The following PTPRD variants were observed in gnomAD, a reference collection of about 807,000 sequenced individuals.
The protein encoded by PTPRD is receptor-type tyrosine-protein phosphatase delta.
PTPRD carries 34 observed loss-of-function variants against 214.5 expected under a neutral mutation model. The ratio of observed to expected loss-of-function variants is 0.16; its 90% CI spans 0.12 to 0.21. PTPRD has a LOEUF of 0.21. PTPRD is among the 10% of genes least tolerant of loss of function. The pLI, the probability that PTPRD is intolerant of heterozygous loss-of-function variation, is 1.00. For missense variants in PTPRD, 2,545 were observed against 2,398.7 expected (o/e 1.06, Z -1.27); for synonymous variants, 1,128 against 845.7 (o/e 1.33, Z -5.79).
chr9:10,276,971 T>A (rs1376922239), intron 3 of PTPRD, among the ~76,000 whole-genome samples: 4 of 152,076 alleles, frequency 2.6e-5, no homozygotes. Flanking sequence ...TCCAATTATT[T>A]TGCCCTGGAT....
intron 14 of PTPRD, among the ~76,000 whole-genome samples, chr9:8,610,998 A>G (rs1317322079): frequency 1.3e-5 from 2 of 152,202 alleles, no homozygotes; most frequent in Non-Finnish European, 2.9e-5. Context: ...TTTCATGTTG[A>G]AATATTATAT....
chr9:10,472,784 T>C (rs549470716), intron 2 of PTPRD, among the ~76,000 whole-genome samples: 1 of 152,102 alleles, frequency 6.6e-6, no homozygotes, highest in East Asian at 1.9e-4. Context: ...TAAACATATA[T>C]CTGATATAGC....
chr9:9,547,199 G>A (rs1167648456), intron 8 of PTPRD, among the ~76,000 whole-genome samples: 1 of 151,990 alleles, frequency 6.6e-6, no homozygotes, highest in Admixed American at 6.6e-5. Flanking sequence ...TATCGATTTT[G>A]TAGCCAATAA....
intron 14 of PTPRD, among the ~76,000 whole-genome samples, chr9:8,534,943 T>C (rs1458898140): frequency 1.3e-5 from 2 of 151,940 alleles, no homozygotes; most frequent in African/African-American, 2.4e-5. Flanking sequence ...GATGGCATCA[T>C]TCATTCTACA....
chr9:9,437,743 C>CT, intron 8 of PTPRD, among the ~76,000 whole-genome samples: 3 of 152,082 alleles, frequency 2.0e-5, no homozygotes, highest in Admixed American at 2.0e-4. Context: ...TGATTTGACA[C>CT]GGGACTGAGA....
intron 5 of PTPRD, among the ~76,000 whole-genome samples, chr9:9,775,289 A>C (rs2098788463): frequency 6.6e-6 from 1 of 152,190 alleles, no homozygotes; most frequent in Non-Finnish European, 1.5e-5. Context: ...ACTTGAGTTA[A>C]AATATTTCTC....
intron 11 of PTPRD, among the ~76,000 whole-genome samples, chr9:8,980,968 C>T (rs746549073): frequency 6.6e-6 from 1 of 152,058 alleles, no homozygotes; most frequent in Non-Finnish European, 1.5e-5. Flanking sequence ...TTGACATCAG[C>T]CTCAGCATTA....
chr9:10,567,924 TTTA>T lies in PTPRD; in HGVS notation c.-600+44471_-600+44473del, dbSNP rs2066144823. Among the ~76,000 whole-genome samples, 13 of 151,318 alleles carry T rather than the reference TTTA, an allele frequency of 8.6e-5. No homozygotes were observed. The South Asian group carries it at 2.5e-3, about 29-fold the overall frequency. ...TTAATAATATATCATTGTTTTATTT[TTTA>T]TTTTTTTATTTTTTATTTTATTTAT... On this transcript the variant is annotated intron_variant, in intron 2 of 45. Coordinates refer to ENST00000381196, the MANE Select transcript of PTPRD (RefSeq NM_002839.4).
At chr9:9,192,533 C>G (rs1017204977) in intron 9 of PTPRD, among the ~76,000 whole-genome samples, 1 of 152,058 alleles carries the variant, frequency 6.6e-6, no homozygotes, top group Non-Finnish European at 1.5e-5. Flanking sequence ...GTGGAAGCAA[C>G]AATTCATAAT....
intron 11 of PTPRD, among the ~76,000 whole-genome samples, chr9:8,739,020 A>G (rs2091218388): frequency 6.6e-6 from 1 of 152,210 alleles, no homozygotes; most frequent in South Asian, 2.1e-4. Context: ...GGCCTCTGTA[A>G]ATCAGCTGAA....
intron 5 of PTPRD, among the ~76,000 whole-genome samples, chr9:9,870,408 A>G (rs2065120172): frequency 6.6e-6 from 1 of 151,996 alleles, no homozygotes. Context: ...CAACTTTGTT[A>G]CTTGCATATA....
intron 7 of PTPRD, among the ~76,000 whole-genome samples, chr9:9,731,607 CCCT>C (rs900481383): frequency 6.6e-6 from 1 of 151,960 alleles, no homozygotes; most frequent in Non-Finnish European, 1.5e-5. Context: ...TATCCTTCCC[CCCT>C]CCCTACACCC....
chr9:9,430,322 A>T (rs986338712), intron 8 of PTPRD, among the ~76,000 whole-genome samples: 2 of 151,816 alleles, frequency 1.3e-5, no homozygotes, highest in African/African-American at 4.8e-5. Context: ...AGAGAATAAA[A>T]TACCTAGGAA....
intron 10 of PTPRD, among the ~76,000 whole-genome samples, chr9:9,078,371 A>T (rs1452630871): frequency 6.6e-6 from 1 of 152,086 alleles, no homozygotes; most frequent in Non-Finnish European, 1.5e-5. Flanking sequence ...AAATTACAAC[A>T]TTCCTTTCCA....
intron 7 of PTPRD, among the ~76,000 whole-genome samples, chr9:9,595,548 GTT>G (rs1317032648): frequency 2.5e-5 from 1 of 39,418 alleles, no homozygotes; most frequent in African/African-American, 5.6e-5. Flanking sequence ...ATGTATGTGT[GTT>G]TGTGTGTGTG....
chr9:9,073,188 G>C (rs2099746342), intron 10 of PTPRD, among the ~76,000 whole-genome samples: 1 of 152,146 alleles, frequency 6.6e-6, no homozygotes, highest in Non-Finnish European at 1.5e-5. Context: ...CTTGAACTCA[G>C]ATTCAACGAA....
At chr9:9,027,102 T>C (rs542301517) in intron 10 of PTPRD, among the ~76,000 whole-genome samples, 6 of 151,782 alleles carry the variant, frequency 4.0e-5, no homozygotes, top group Admixed American at 3.3e-4. Flanking sequence ...CTATTTCAGA[T>C]TGTACTTCAG....
intron 6 of PTPRD, among the ~76,000 whole-genome samples, chr9:9,757,276 G>C (rs180897491): frequency 1.1e-4 from 17 of 152,222 alleles, no homozygotes; most frequent in African/African-American, 4.1e-4. Context: ...CATGCAAATA[G>C]TAGCTCTGCT....
rs560676928 is a variant in PTPRD, at chr9:8,701,289, T to C, written c.64+32491A>G. On this transcript the variant is annotated intron_variant, in intron 12 of 45. Coordinates refer to ENST00000381196, the MANE Select transcript of PTPRD (RefSeq NM_002839.4). ...GAAAGGTAAAAGAGTACATTTAATA[T>C]TTCAACTCAAGTATTATAATGACAG... 4.7e-4 allele frequency: 72 copies of C among 152,330 alleles called. 2 individuals carry two copies. The highest frequency in any genetic ancestry group is 4.7e-3 in the Admixed American group (72 of 15,300). The allele number at this position is 152,330 out of a possible 1,614,324, so 9.4% of individuals were successfully genotyped here. A position where few individuals can be genotyped will look rare whatever the true frequency, so the allele number is the denominator to read the frequency against.
Sources: allele counts gnomAD v4.1 joint callset (sites outside exome capture counted in the v4.1 genomes callset), GRCh38; gene constraint gnomAD v4.1.1; transcripts MANE v1.5; gene names NCBI Gene and HGNC (gene_info 2026-07-23, HGNC 2026-07-21).